Variants in MB observed in about 807,000 individuals in gnomAD.
The protein encoded by MB is nitrite reductase MB.
In MB, 10 loss-of-function variants were observed where a neutral mutation model predicts 14.5. The ratio of observed to expected loss-of-function variants is 0.69; its 90% CI spans 0.43 to 1.17. The LOEUF is 1.17. Ranked by LOEUF, MB falls within the 50% of genes most tolerant of loss-of-function variation. The pLI, the probability that MB is intolerant of heterozygous loss-of-function variation, is 0.00. For missense variants in MB, 169 were observed against 192.7 expected, an observed-to-expected ratio of 0.88 and a Z score of 0.73; for synonymous variants, 89 against 78.6, an observed-to-expected ratio of 1.13 and a Z score of -0.70.
intron 2 of MB, among the ~76,000 whole-genome samples, chr22:35,607,810 G>A (rs142037133): frequency 4.7e-4 from 72 of 152,290 alleles, no homozygotes; most frequent in African/African-American, 1.7e-3. Context: ...AGCACCACCC[G>A]CTTGGGGGCA....
intron 1 of MB, among the ~76,000 whole-genome samples, chr22:35,613,785 A>C (rs1601844432): frequency 6.6e-6 from 1 of 151,310 alleles, no homozygotes; most frequent in African/African-American, 2.4e-5. Flanking sequence ...GGCCTGAGCC[A>C]CCCCACCCCA....
chr22:35,621,126 G>A (rs1185315575), upstream of MB, among the ~76,000 whole-genome samples: 1 of 152,128 alleles, frequency 6.6e-6, no homozygotes, highest in African/African-American at 2.4e-5. Flanking sequence ...CTTCATTATG[G>A]CCAGGGCAGA....
chr22:35,619,612 C>A (rs1923337606), upstream of MB, among the ~76,000 whole-genome samples: 2 of 152,256 alleles, frequency 1.3e-5, no homozygotes, highest in African/African-American at 4.8e-5. Context: ...GAATAGTCAG[C>A]ATCTACTAGC....
At chr22:35,610,404 T>C (rs1035004281) in intron 2 of MB, among the ~76,000 whole-genome samples, 1 of 152,154 alleles carries the variant, frequency 6.6e-6, no homozygotes, top group Non-Finnish European at 1.5e-5. Flanking sequence ...TCCTGCCACA[T>C]AAGTCCTGCA....
chr22:35,609,643 G>A (rs538333270), intron 2 of MB, among the ~76,000 whole-genome samples: 2 of 152,344 alleles, frequency 1.3e-5, no homozygotes, highest in Admixed American at 1.3e-4. Flanking sequence ...CCTTGGGCAA[G>A]CTACTTAAAC....
upstream of MB, among the ~76,000 whole-genome samples, chr22:35,619,493 T>C (rs990952942): frequency 2.0e-5 from 3 of 152,156 alleles, no homozygotes; most frequent in Admixed American, 2.0e-4. Flanking sequence ...CCTGCCCCAA[T>C]CTTGCTGAGG....
chr22:35,617,769 C>T (rs1923191838), upstream of MB, among the ~76,000 whole-genome samples: 3 of 152,172 alleles, frequency 2.0e-5, no homozygotes, highest in South Asian at 4.1e-4. Context: ...GCACCTTCTG[C>T]CCCTTTGCCA....
upstream of MB, among the ~76,000 whole-genome samples, chr22:35,621,731 T>C (rs927531732): frequency 6.6e-6 from 1 of 152,204 alleles, no homozygotes; most frequent in East Asian, 1.9e-4. Flanking sequence ...CTTGGGGATA[T>C]AGAGGCCCAG....
upstream of MB, among the ~76,000 whole-genome samples, chr22:35,620,745 C>T (rs1411752361): frequency 6.6e-6 from 1 of 152,210 alleles, no homozygotes; most frequent in Non-Finnish European, 1.5e-5. Context: ...TGTCAGAACA[C>T]CCCTGAGGGT....
At chr22:35,617,073 C>A (rs1042415244) in intron 1 of MB, 90 bp downstream of exon 1, 3 of 964,014 alleles carry the variant, frequency 3.1e-6, no homozygotes, top group Non-Finnish European at 5.1e-6. Context: ...GCCAACTGAC[C>A]TACCCCACGT....
At chr22:35,620,582 G>A (rs1419013149), upstream of MB, among the ~76,000 whole-genome samples, 1 of 152,206 alleles carries the variant, frequency 6.6e-6, no homozygotes, top group Non-Finnish European at 1.5e-5. Context: ...GAGGAGGGCA[G>A]AAAGAAGGAG....
chr22:35,607,476 C>A (rs950209138), intron 2 of MB, 33 bp from the exon 3 acceptor site: 2 of 1,605,130 alleles, frequency 1.2e-6, no homozygotes, highest in Non-Finnish European at 1.7e-6. Context: ...AAATGGTCAC[C>A]AGGGTGGGAC....
In MB at chr22:35,607,024, G is replaced by A. The variant is rs1196621428; in HGVS notation, c.*273C>T. The A allele has an allele frequency of 2.9e-6, 1 of 343,934 alleles. No individual in the cohort carries two copies. The highest frequency in any genetic ancestry group is 5.3e-6 in the Non-Finnish European group (1 of 189,928). 21.3% of individuals were successfully genotyped at this position (343,934 alleles called of 1,614,324 possible). Reference sequence around the variant, plus strand: ...GAAGAAGTTCGGTTGGGATTTAGAAGAAAGGACAATTAATTCAGATCCAAA... The same window carrying A: ...GAAGAAGTTCGGTTGGGATTTAGAAAAAAGGACAATTAATTCAGATCCAAA... On this transcript the variant is annotated 3_prime_UTR_variant, in exon 3 of 3. Transcript: ENST00000397326.
In MB at chr22:35,607,116, C is replaced by T. The variant is rs752914423; in HGVS notation, c.*181G>A. The T allele has an allele frequency of 8.0e-5, 46 of 578,208 alleles. No homozygotes were observed. Among genetic ancestry groups the T allele is most frequent in the Middle Eastern group, 4.8e-4 (1 of 2,080 alleles). 35.8% of individuals were successfully genotyped at this position (578,208 alleles called of 1,614,324 possible). A position where few individuals can be genotyped will look rare whatever the true frequency, so the allele number is the denominator to read the frequency against. On this transcript the variant is annotated 3_prime_UTR_variant, in exon 3 of 3. Coordinates refer to ENST00000397326, the MANE Select transcript of MB (RefSeq NM_005368.3). Reference sequence around the variant, plus strand: ...AGGGTGATGACATCCCACAGGGAGGCGCATCGCTGGGCATGCAAAGCCAAC... The same window carrying T: ...AGGGTGATGACATCCCACAGGGAGGTGCATCGCTGGGCATGCAAAGCCAAC...
rs532588862 is a variant in MB, at chr22:35,617,317, A to G, written c.-60T>C. ...GGGCTCACTGGGTGTCCTGGCCCCA[A>G]CAGCTGGGGTTTGAGGCTGCCTGGT... On this transcript the variant is annotated 5_prime_UTR_variant, in exon 1 of 3. Coordinates refer to ENST00000397326, the MANE Select transcript of MB (RefSeq NM_005368.3). 12 of 1,404,668 alleles carry G rather than the reference A, an allele frequency of 8.5e-6. No individual in the cohort carries two copies. In the South Asian group the frequency reaches 9.3e-5, roughly 11 times the overall value. The allele number at this position is 1,404,668 out of a possible 1,614,324, so 87.0% of individuals were successfully genotyped here.
intron 1 of MB, among the ~76,000 whole-genome samples, chr22:35,614,108 A>G (rs974040158): frequency 6.6e-6 from 1 of 152,228 alleles, no homozygotes; most frequent in African/African-American, 2.4e-5. Flanking sequence ...AGTCCAAGTC[A>G]GAGAGAAGGG....
rs202069226 is a variant in MB at position 35,607,435 on chromosome 22, C to T, written c.327G>A (p.Ser109=). The T allele has an allele frequency of 3.8e-5, 61 of 1,613,774 alleles. No homozygotes were observed. In the East Asian group the frequency reaches 6.5e-4, roughly 17 times the overall value. The part of the protein sequence containing the change: ...KIPVKYLEFI[S]ECIIQVLQSK... ...TCTGCAGAACCTGGATGATGCATTC[C>T]GAGATGAACTGCAGGGAGGGTGAGG... Residue 109 remains serine (S), a synonymous_variant, in exon 3 of 3, where the codon TCG becomes TCA. Coordinates refer to ENST00000397326, the MANE Select transcript of MB (RefSeq NM_005368.3).
rs115258402 is a variant in MB at position 35,623,113 on chromosome 22, T to A, written c.-9+78A>T. On this transcript the variant is annotated intron_variant, in intron 1 of 3. Transcript: ENST00000359787. ...GGACACCCCTCCTCCCAGCAGCCCT[T>A]TCTTTTGCAGGAGACACTTTTACAA... 1,362 of 152,464 alleles carry A rather than the reference T, an allele frequency of 8.9e-3. 28 individuals are homozygous for A. The highest frequency in any genetic ancestry group is 0.031 in the African/African-American group (1,291 of 41,558). The allele number at this position is 152,464 out of a possible 1,614,324, so 9.4% of individuals were successfully genotyped here.
chr22:35,607,917 A>AT (rs1277109276), intron 2 of MB, among the ~76,000 whole-genome samples: 2 of 152,130 alleles, frequency 1.3e-5, no homozygotes, highest in African/African-American at 4.8e-5. Context: ...TGTGTATGCA[A>AT]TTTTTGCATA....
Sources: gnomAD v4.1 joint callset for allele counts (sites outside exome capture counted in the v4.1 genomes callset) on GRCh38, gnomAD v4.1.1 for gene constraint, MANE v1.5 for transcripts, NCBI Gene and HGNC (gene_info 2026-07-23, HGNC 2026-07-21) for gene names.